Variants in KCNQ5 observed in about 807,000 individuals in gnomAD.
The protein encoded by KCNQ5 is potassium voltage-gated channel subfamily Q member 5, also known as potassium voltage-gated channel subfamily KQT member 5.
KCNQ5 carries 30 observed loss-of-function variants against 98.2 expected under a neutral mutation model. The observed-to-expected ratio is 0.31, with a 90% CI of 0.23 to 0.41. The LOEUF is 0.41. Among genes scored for constraint, KCNQ5 ranks in the 10% least tolerant of loss-of-function variants. The pLI is 1.00. For missense variants in KCNQ5, 835 were observed against 1,182.5 expected (o/e 0.71, Z 4.31); for synonymous variants, 458 against 449.4 (o/e 1.02, Z -0.24).
intron 10 of KCNQ5, among the ~76,000 whole-genome samples, chr6:73,151,682 C>A (rs1777155701): frequency 6.6e-6 from 1 of 152,188 alleles, no homozygotes; most frequent in Admixed American, 6.5e-5. Context: ...TCTTTGAGAA[C>A]ACATTCTGGA....
intron 1 of KCNQ5, among the ~76,000 whole-genome samples, chr6:72,750,430 T>C (rs150408089): frequency 2.0e-5 from 3 of 152,216 alleles, no homozygotes; most frequent in Admixed American, 2.0e-4. Context: ...TTGGGTAAGA[T>C]AACCCTTAAT....
In KCNQ5 at chr6:72,844,552, C is replaced by T. The variant is rs894117824; in HGVS notation, c.399-159356C>T. ...AACTGTACATATCACCCTTTATTTT[C>T]TATTAATCTAAACTTTTGTAATGCA... On this transcript the variant is annotated intron_variant, in intron 1 of 13. Transcript: ENST00000370398. Among the ~76,000 whole-genome samples, 8 of 152,176 alleles carry T rather than the reference C, an allele frequency of 5.3e-5. No homozygotes were observed. The East Asian group carries it at 1.3e-3, about 26-fold the overall frequency.
At chr6:73,153,964 G>A (rs760877296) in intron 10 of KCNQ5, among the ~76,000 whole-genome samples, 30 of 145,120 alleles carry the variant, frequency 2.1e-4, no homozygotes, top group Admixed American at 3.5e-4. Context: ...CATGGAAAAT[G>A]CAATTACCTG....
chr6:73,127,693 TA>T (rs944194744), intron 9 of KCNQ5, among the ~76,000 whole-genome samples: 61 of 152,352 alleles, frequency 4.0e-4, no homozygotes, highest in African/African-American at 1.4e-3. Context: ...AGGGTATGTT[TA>T]AACAAAATTT....
At chr6:73,005,634 G>T (rs1357376728) in intron 2 of KCNQ5, among the ~76,000 whole-genome samples, 1 of 137,352 alleles carries the variant, frequency 7.3e-6, no homozygotes, top group Admixed American at 6.8e-5. Context: ...TTTAAAACCT[G>T]TTAAATAGTG....
intron 11 of KCNQ5, among the ~76,000 whole-genome samples, chr6:73,183,234 T>C (rs1407738049): frequency 6.6e-6 from 1 of 152,218 alleles, no homozygotes; most frequent in Non-Finnish European, 1.5e-5. Flanking sequence ...GTGAGTGGAA[T>C]GGTAAAAATG....
chr6:72,965,469 A>G (rs1043944114), intron 1 of KCNQ5, among the ~76,000 whole-genome samples: 2 of 152,220 alleles, frequency 1.3e-5, no homozygotes, highest in Non-Finnish European at 2.9e-5. Context: ...CATAACTGCC[A>G]CTGCAAATAA....
intron 1 of KCNQ5, among the ~76,000 whole-genome samples, chr6:72,691,224 A>G (rs1040699566): frequency 2.0e-5 from 3 of 152,208 alleles, no homozygotes; most frequent in African/African-American, 7.2e-5. Context: ...TAGCCTCAAT[A>G]ATAAAGAGAT....
At chr6:72,825,591 G>T (rs1398281796) in intron 1 of KCNQ5, among the ~76,000 whole-genome samples, 1 of 152,268 alleles carries the variant, frequency 6.6e-6, no homozygotes, top group Non-Finnish European at 1.5e-5. Flanking sequence ...GAGGAAGAGA[G>T]CATGACTTAG....
At chr6:72,688,184 T>C (rs745331770) in intron 1 of KCNQ5, among the ~76,000 whole-genome samples, 1 of 152,234 alleles carries the variant, frequency 6.6e-6, no homozygotes, top group African/African-American at 2.4e-5. Flanking sequence ...CACTTTATAC[T>C]GAGCAGAGTT....
In KCNQ5 at chr6:72,622,362, T is replaced by A; in HGVS notation, c.173T>A (p.Leu58Gln). 6.9e-7 allele frequency: 1 copy of A among 1,444,868 alleles called. No homozygotes were observed. The highest frequency in any genetic ancestry group is 1.4e-5 in the South Asian group (1 of 69,070). The allele number at this position is 1,444,868 out of a possible 1,614,324, so 89.5% of individuals were successfully genotyped here. Residue 58 changes from leucine to glutamine, a missense_variant, in exon 1 of 14, where the codon CTG becomes CAG. By Grantham distance (113) the Leu-to-Gln change is moderately radical. This residue lies in a region of KCNQ5 where 21 missense variants were observed against 43.9 expected (regional missense o/e 0.48). Coordinates refer to ENST00000370398, the MANE Select transcript of KCNQ5 (RefSeq NM_019842.4). The surrounding 1 kb of genome is among the most constrained non-coding windows in gnomAD (Gnocchi z 6.0). ...TCGGCAGCCGCCAGGGGCGACGGCC[T>A]GCTACTGCTGGGCACCCGCGCGGCC... ...LNSAAARGDG[L>Q]LLLGTRAATL...
intron 1 of KCNQ5, among the ~76,000 whole-genome samples, chr6:72,627,406 G>T (rs2098918497): frequency 2.0e-5 from 3 of 152,196 alleles, no homozygotes; most frequent in Admixed American, 2.0e-4. Context: ...CCCAAAGGCC[G>T]AGGGAAAGCC....
At chr6:72,987,335 G>C in intron 1 of KCNQ5, 2 of 712,032 alleles carry the variant, frequency 2.8e-6, no homozygotes, top group Non-Finnish European at 5.3e-6. Context: ...ACATAGACCA[G>C]GTGAGGCGAA....
At chr6:72,922,465 A>G (rs1210689979) in intron 1 of KCNQ5, among the ~76,000 whole-genome samples, 1 of 152,142 alleles carries the variant, frequency 6.6e-6, no homozygotes, top group Admixed American at 6.6e-5. Context: ...TAGGCAGTAC[A>G]TTGTTTTTAA....
intron 1 of KCNQ5, among the ~76,000 whole-genome samples, chr6:72,748,792 A>G (rs1026543776): frequency 6.6e-6 from 1 of 152,296 alleles, no homozygotes; most frequent in South Asian, 2.1e-4. Flanking sequence ...CAGTGAATGT[A>G]AGTGGGAAAT....
chr6:72,844,188 AC>A (rs1776927335), intron 1 of KCNQ5, among the ~76,000 whole-genome samples: 1 of 152,178 alleles, frequency 6.6e-6, no homozygotes, highest in Non-Finnish European at 1.5e-5. Context: ...GCTAGTAACC[AC>A]TGCAAGACAC....
At chr6:72,665,767 G>T (rs1437728178) in intron 1 of KCNQ5, among the ~76,000 whole-genome samples, 1 of 152,192 alleles carries the variant, frequency 6.6e-6, no homozygotes, top group Non-Finnish European at 1.5e-5. Flanking sequence ...GGTGCCAGAA[G>T]TTATATAACG....
chr6:72,745,079 A>AT (rs1343269835), intron 1 of KCNQ5, among the ~76,000 whole-genome samples: 1 of 152,114 alleles, frequency 6.6e-6, no homozygotes, highest in Non-Finnish European at 1.5e-5. Flanking sequence ...CATTTATGTT[A>AT]TTTTTCCTAA....
chr6:73,028,283 A>G (rs1305442020), intron 2 of KCNQ5, among the ~76,000 whole-genome samples: 1 of 152,192 alleles, frequency 6.6e-6, no homozygotes, highest in East Asian at 1.9e-4. Context: ...GGCTACCTGT[A>G]GGGAGGTGTG....
Sources: gnomAD v4.1 joint callset for allele counts (sites outside exome capture counted in the v4.1 genomes callset) on GRCh38, gnomAD v4.1.1 for gene constraint, gnomAD v4.1.1 regional missense constraint, Gnocchi (gnomAD v3.1) non-coding constraint, MANE v1.5 for transcripts, NCBI Gene and HGNC (gene_info 2026-07-23, HGNC 2026-07-21) for gene names.